The following AGBL4 variants were observed in gnomAD, a reference collection of about 807,000 sequenced individuals.
AGBL4 encodes the protein cytosolic carboxypeptidase 6.
AGBL4 carries 58 observed loss-of-function variants against 66.4 expected under a neutral mutation model. The observed-to-expected ratio is 0.87, with a 90% CI of 0.71 to 1.09. The LOEUF (loss-of-function observed/expected upper bound fraction) is 1.09. Among genes scored for constraint, AGBL4 ranks in the 50% least tolerant of loss-of-function variants. The pLI is 0.00. For synonymous variants in AGBL4, 234 were observed against 222.9 expected (o/e 1.05, Z -0.44); for missense variants, 579 against 631.0 (o/e 0.92, Z 0.88).
At chr1:48,898,544 A>G (rs142566016) in intron 5 of AGBL4, among the ~76,000 whole-genome samples, 28 of 152,300 alleles carry the variant, frequency 1.8e-4, no homozygotes, top group African/African-American at 6.5e-4. Flanking sequence ...TCCCCACACC[A>G]TTTATTGAAA....
At chr1:48,827,690 C>T (rs931065300) in intron 6 of AGBL4, among the ~76,000 whole-genome samples, 35 of 152,150 alleles carry the variant, frequency 2.3e-4, no homozygotes, top group African/African-American at 6.8e-4. Context: ...CCCTTTTAAG[C>T]GGGTTGCAAG....
chr1:48,723,743 A>T (rs1647185873), intron 6 of AGBL4, among the ~76,000 whole-genome samples: 2 of 152,266 alleles, frequency 1.3e-5, no homozygotes, highest in Non-Finnish European at 2.9e-5. Context: ...AGTGGGCAAA[A>T]TAATTTAAAA....
At chr1:49,634,138 A>T (rs1280348447) in intron 3 of AGBL4, among the ~76,000 whole-genome samples, 2 of 151,968 alleles carry the variant, frequency 1.3e-5, no homozygotes, top group African/African-American at 4.8e-5. Context: ...ATAGGTATAC[A>T]GGCGCCATGG....
At chr1:49,179,970 C>T (rs932862478) in intron 4 of AGBL4, among the ~76,000 whole-genome samples, 4 of 151,936 alleles carry the variant, frequency 2.6e-5, no homozygotes, top group South Asian at 2.1e-4. Context: ...GGCGCGATCT[C>T]GGCTCACTGC....
intron 6 of AGBL4, among the ~76,000 whole-genome samples, chr1:48,774,052 T>G (rs1644961455): frequency 6.6e-6 from 1 of 152,252 alleles, no homozygotes; most frequent in Non-Finnish European, 1.5e-5. Context: ...AGCTCTGGGC[T>G]GGCTTGGGCC....
intron 4 of AGBL4, among the ~76,000 whole-genome samples, chr1:49,154,526 A>G (rs1646395079): frequency 6.6e-6 from 1 of 152,184 alleles, no homozygotes; most frequent in South Asian, 2.1e-4. Flanking sequence ...TAAGTCTAGA[A>G]TAGCATTGTC....
intron 3 of AGBL4, among the ~76,000 whole-genome samples, chr1:49,506,416 G>A (rs1195502324): frequency 6.6e-6 from 1 of 152,054 alleles, no homozygotes; most frequent in East Asian, 1.9e-4. Context: ...ATTCCCACAT[G>A]TTGTGGGAGG....
At position 49,562,938 on chromosome 1, in the gene AGBL4, T is replaced by A. The variant is rs543857202; in HGVS notation, c.282+134375A>T. Among the ~76,000 whole-genome samples the A allele has an allele frequency of 2.0e-4, 30 of 152,296 alleles. No homozygotes were observed. The South Asian group carries it at 6.2e-3, about 32-fold the overall frequency. On this transcript the variant is annotated intron_variant, in intron 3 of 13. Transcript: ENST00000371839. Reference sequence around the variant, plus strand: ...TCATGATATTGATTCTTCCTACTCATGAGCATGGAATGTTCTTCCATTTGT... The same window carrying A: ...TCATGATATTGATTCTTCCTACTCAAGAGCATGGAATGTTCTTCCATTTGT...
chr1:49,602,640 A>C (rs35524072), intron 3 of AGBL4, among the ~76,000 whole-genome samples: 1 of 151,552 alleles, frequency 6.6e-6, no homozygotes, highest in Admixed American at 6.6e-5. Flanking sequence ...GGAGCTGGAC[A>C]ATGAGAACAC....
At chr1:49,620,259 T>C (rs1645332725) in intron 3 of AGBL4, among the ~76,000 whole-genome samples, 1 of 151,642 alleles carries the variant, frequency 6.6e-6, no homozygotes, top group Admixed American at 6.6e-5. Context: ...TACAAAGAAC[T>C]TAAATTTACA....
intron 1 of AGBL4, chr1:49,995,346 T>C (rs1660289460): frequency 4.4e-6 from 2 of 451,278 alleles, no homozygotes; most frequent in Non-Finnish European, 8.9e-6. Flanking sequence ...TCAGGCTGCG[T>C]TGGAGCTGGA....
At chr1:49,723,603 T>C (rs1398655400) in intron 2 of AGBL4, among the ~76,000 whole-genome samples, 1 of 152,196 alleles carries the variant, frequency 6.6e-6, no homozygotes, top group Non-Finnish European at 1.5e-5. Flanking sequence ...AAGCTATGTC[T>C]GGTCATCAAA....
intron 6 of AGBL4, among the ~76,000 whole-genome samples, chr1:48,804,012 A>G (rs1376517750): frequency 6.6e-6 from 1 of 152,220 alleles, no homozygotes; most frequent in Non-Finnish European, 1.5e-5. Context: ...GAGATTAAAA[A>G]TCTTAGATTA....
intron 8 of AGBL4, among the ~76,000 whole-genome samples, chr1:48,646,501 A>G (rs980249453): frequency 7.4e-6 from 1 of 134,414 alleles, no homozygotes; most frequent in Non-Finnish European, 1.6e-5. Flanking sequence ...AGAGGTAGGT[A>G]GACCAGTTAT....
chr1:48,607,132 T>G (rs888578185), intron 9 of AGBL4, among the ~76,000 whole-genome samples: 1 of 152,156 alleles, frequency 6.6e-6, no homozygotes, highest in African/African-American at 2.4e-5. Context: ...ATAATAATTA[T>G]TTCAGGTGTA....
At chr1:49,725,553 T>C (rs753062206) in intron 2 of AGBL4, among the ~76,000 whole-genome samples, 12 of 152,020 alleles carry the variant, frequency 7.9e-5, no homozygotes, top group South Asian at 2.1e-4. Flanking sequence ...TGAAACAAGG[T>C]ATATTCAACA....
At chr1:49,173,612 A>T (rs1646778229) in intron 4 of AGBL4, among the ~76,000 whole-genome samples, 1 of 152,210 alleles carries the variant, frequency 6.6e-6, no homozygotes, top group Non-Finnish European at 1.5e-5. Flanking sequence ...CTGACATTAT[A>T]CTAATGAAAA....
chr1:49,473,167 C>G (rs902353515), intron 3 of AGBL4, among the ~76,000 whole-genome samples: 8 of 151,748 alleles, frequency 5.3e-5, no homozygotes, highest in Non-Finnish European at 1.0e-4. Context: ...GGGTATATAC[C>G]CAGTAATGAG....
chr1:49,710,435 T>A (rs1230440788), intron 2 of AGBL4, among the ~76,000 whole-genome samples: 1 of 151,944 alleles, frequency 6.6e-6, no homozygotes, highest in Admixed American at 6.6e-5. Context: ...ACTGGGCCTG[T>A]TGGAGGTTGT....
Sources: allele counts gnomAD v4.1 joint callset (sites outside exome capture counted in the v4.1 genomes callset), GRCh38; gene constraint gnomAD v4.1.1; transcripts MANE v1.5; gene names NCBI Gene and HGNC (gene_info 2026-07-23, HGNC 2026-07-21).